Variants in NRG3 observed in about 807,000 individuals in gnomAD.
NRG3 encodes neuregulin 3, also known as pro-neuregulin-3, membrane-bound isoform.
NRG3 carries 31 observed loss-of-function variants against 66.9 expected under a neutral mutation model. The ratio of observed to expected loss-of-function variants is 0.46; its 90% CI spans 0.35 to 0.63. The LOEUF (loss-of-function observed/expected upper bound fraction) is 0.63. NRG3 is among the 20% of genes least tolerant of loss of function. The probability of loss-of-function intolerance (pLI) is 0.00; values close to 1 mark genes in which losing one functional copy is unlikely to be tolerated. For synonymous variants in NRG3, 393 were observed against 359.4 expected (o/e 1.09, Z -1.06); for missense variants, 910 against 878.9 (o/e 1.04, Z -0.45).
At chr10:82,901,949 A>G (rs1844262633) in intron 4 of NRG3, among the ~76,000 whole-genome samples, 1 of 152,214 alleles carries the variant, frequency 6.6e-6, no homozygotes, top group African/African-American at 2.4e-5. Context: ...CCCCTTATAT[A>G]GTAGCTTTTT....
intron 1 of NRG3, among the ~76,000 whole-genome samples, chr10:82,142,245 T>C (rs573878357): frequency 5.3e-5 from 8 of 152,350 alleles, no homozygotes; most frequent in East Asian, 3.9e-4. Context: ...ATTGCATTAA[T>C]TGATGCTTTG....
At chr10:81,879,160 G>A (rs1357305059) in intron 1 of NRG3, among the ~76,000 whole-genome samples, 1 of 152,184 alleles carries the variant, frequency 6.6e-6, no homozygotes, top group Non-Finnish European at 1.5e-5. Flanking sequence ...GCGTTCCTGG[G>A]ATTCTTGGGT....
intron 4 of NRG3, among the ~76,000 whole-genome samples, chr10:82,898,158 G>T (rs966677798): frequency 2.6e-5 from 4 of 152,152 alleles, no homozygotes; most frequent in African/African-American, 9.7e-5. Context: ...ACAGCCTCTT[G>T]CTCCACATTG....
At chr10:82,437,879 A>T (rs2090227351) in intron 2 of NRG3, among the ~76,000 whole-genome samples, 1 of 151,974 alleles carries the variant, frequency 6.6e-6, no homozygotes. Context: ...GTGCCTGGAG[A>T]CGTCACTGAA....
At chr10:82,792,908 C>T (rs1195010690) in intron 3 of NRG3, among the ~76,000 whole-genome samples, 1 of 151,956 alleles carries the variant, frequency 6.6e-6, no homozygotes, top group Non-Finnish European at 1.5e-5. Context: ...TCCGAACTCC[C>T]AACCTCAGGT....
chr10:82,646,658 A>G (rs1242842435), intron 2 of NRG3, among the ~76,000 whole-genome samples: 1 of 152,172 alleles, frequency 6.6e-6, no homozygotes, highest in Non-Finnish European at 1.5e-5. Flanking sequence ...AAGAGAGTCT[A>G]TTGTAAACTG....
chr10:82,027,583 T>A (rs2062371135), intron 1 of NRG3, among the ~76,000 whole-genome samples: 1 of 152,266 alleles, frequency 6.6e-6, no homozygotes, highest in East Asian at 1.9e-4. Context: ...ACAAAGCACA[T>A]TTAAATGCTG....
At chr10:82,830,760 A>G (rs1444920856) in intron 3 of NRG3, among the ~76,000 whole-genome samples, 1 of 152,132 alleles carries the variant, frequency 6.6e-6, no homozygotes. Flanking sequence ...CTACCTTGCT[A>G]AAAAGAGATA....
At chr10:82,921,506 A>G (rs1846419120) in intron 4 of NRG3, among the ~76,000 whole-genome samples, 1 of 152,198 alleles carries the variant, frequency 6.6e-6, no homozygotes, top group Non-Finnish European at 1.5e-5. Flanking sequence ...GTACTAATGT[A>G]AGATGTTGAT....
chr10:82,423,889 C>T (rs1304736264), intron 2 of NRG3, among the ~76,000 whole-genome samples: 1 of 151,954 alleles, frequency 6.6e-6, no homozygotes, highest in Non-Finnish European at 1.5e-5. Flanking sequence ...AAATTGAATC[C>T]TACAACATGT....
At chr10:82,142,928 T>C in intron 1 of NRG3, among the ~76,000 whole-genome samples, 1 of 150,410 alleles carries the variant, frequency 6.6e-6, no homozygotes. Context: ...CTAAGTTTTT[T>C]TTTTTTTTTT....
Position 81,974,098 on chromosome 10 carries a change from AG to A in NRG3, c.823+97939del, listed in dbSNP as rs1224427458. Among the ~76,000 whole-genome samples the A allele has an allele frequency of 1.2e-4, 19 of 152,264 alleles. No homozygotes were observed. In the South Asian group the frequency reaches 2.9e-3, roughly 23 times the overall value. The stretch of plus-strand genomic sequence containing the variant: ...TTAATTTTTGTATATGGTATATGGA[AG>A]GGGTCCAGTTTTAATCTTGTGCATA... On this transcript the variant is annotated intron_variant, in intron 1 of 8. Transcript: ENST00000372141.
intron 2 of NRG3, among the ~76,000 whole-genome samples, chr10:82,660,606 C>G (rs2052279928): frequency 6.6e-6 from 1 of 152,186 alleles, no homozygotes; most frequent in African/African-American, 2.4e-5. Flanking sequence ...TACCAACCAT[C>G]TCTTCACAGC....
At chr10:82,903,404 A>G (rs2131899105) in intron 4 of NRG3, among the ~76,000 whole-genome samples, 1 of 152,228 alleles carries the variant, frequency 6.6e-6, no homozygotes, top group Middle Eastern at 3.4e-3. Context: ...AGTACCTTAA[A>G]CCTTGCATAA....
At chr10:81,884,154 A>T (rs1842413227) in intron 1 of NRG3, among the ~76,000 whole-genome samples, 1 of 152,188 alleles carries the variant, frequency 6.6e-6, no homozygotes, top group East Asian at 1.9e-4. Flanking sequence ...TTTTACAGGT[A>T]ATCTCTCCCC....
chr10:82,640,401 G>A (rs945448263), intron 2 of NRG3, among the ~76,000 whole-genome samples: 2 of 152,136 alleles, frequency 1.3e-5, no homozygotes, highest in Admixed American at 6.6e-5. Flanking sequence ...AGGCCACTTC[G>A]TGTTATTCAT....
chr10:82,477,893 A>G (rs992715565), intron 2 of NRG3, among the ~76,000 whole-genome samples: 46 of 152,284 alleles, frequency 3.0e-4, no homozygotes, highest in Admixed American at 2.6e-3. Context: ...AGAGTCTGCA[A>G]TGACTCTGGG....
chr10:82,864,181 G>T (rs917910744), intron 3 of NRG3, among the ~76,000 whole-genome samples: 1 of 152,004 alleles, frequency 6.6e-6, no homozygotes, highest in African/African-American at 2.4e-5. Context: ...GGTGGTGGTT[G>T]TACAACGTTG....
chr10:82,120,524 C>G (rs1186480669), intron 1 of NRG3, among the ~76,000 whole-genome samples: 1 of 152,068 alleles, frequency 6.6e-6, no homozygotes, highest in African/African-American at 2.4e-5. Context: ...CATGATACCT[C>G]CTTGGCTTTG....
Sources: allele counts gnomAD v4.1 joint callset (sites outside exome capture counted in the v4.1 genomes callset), GRCh38; gene constraint gnomAD v4.1.1; transcripts MANE v1.5; gene names NCBI Gene and HGNC (gene_info 2026-07-23, HGNC 2026-07-21).